CARS2: variants seen among roughly 807,000 people sequenced by gnomAD.
The protein encoded by CARS2 is cysteinyl-tRNA synthetase 2, mitochondrial.
CARS2 carries 52 observed loss-of-function variants against 68.8 expected under a neutral mutation model. The observed-to-expected ratio is 0.76, with a 90% CI of 0.61 to 0.95. The LOEUF is 0.95. CARS2 is among the 40% of genes least tolerant of loss of function. CARS2 has a pLI of 0.00. For missense variants in CARS2, 780 were observed against 754.2 expected, an observed-to-expected ratio of 1.03 and a Z score of -0.40; for synonymous variants, 314 against 303.6, an observed-to-expected ratio of 1.03 and a Z score of -0.36.
In CARS2 at chr13:110,677,225, C is replaced by T. The variant is rs1441124278; in HGVS notation, c.656-122G>A. 1.6e-5 allele frequency: 15 copies of T among 942,310 alleles called. No individual in the cohort carries two copies. In the Admixed American group the frequency reaches 5.1e-4, roughly 32 times the overall value. 58.4% of individuals were successfully genotyped at this position (942,310 alleles called of 1,614,324 possible). A position where few individuals can be genotyped will look rare whatever the true frequency, so the allele number is the denominator to read the frequency against. On this transcript the variant is annotated intron_variant, in intron 6 of 14. Transcript: ENST00000257347. Reference sequence around the variant, plus strand: ...CCCCCACCATGGAAACACAGAAAATCACCCCAACATGGAAACCCAGACAGT... The same window carrying T: ...CCCCCACCATGGAAACACAGAAAATTACCCCAACATGGAAACCCAGACAGT...
Position 110,665,861 on chromosome 13 carries a change from A to G in CARS2, c.919+1479T>C, listed in dbSNP as rs1395428498. On this transcript the variant is annotated intron_variant, in intron 8 of 14. Coordinates refer to ENST00000257347, the MANE Select transcript of CARS2 (RefSeq NM_024537.4). This position sits in a 1 kb window ranked among gnomAD's most constrained non-coding sequence, Gnocchi z 4.3. Reference sequence around the variant, plus strand: ...CTGCATTTAATGTCACCTTACTGTGACATCTTAATTTCCCAATTCAAGGGT... The same window carrying G: ...CTGCATTTAATGTCACCTTACTGTGGCATCTTAATTTCCCAATTCAAGGGT... 1.2e-5 allele frequency: 12 copies of G among 985,306 alleles called. No individual in the cohort carries two copies. In the South Asian group the frequency reaches 3.3e-4, roughly 27 times the overall value. The allele number at this position is 985,306 out of a possible 1,614,324, so 61.0% of individuals were successfully genotyped here.
intron 3 of CARS2, chr13:110,697,958 T>C (rs2063671984): frequency 2.2e-6 from 1 of 455,842 alleles, no homozygotes; most frequent in African/African-American, 2.0e-5. Context: ...ACCATTCCTT[T>C]GACTCATGCC....
Position 110,665,717 on chromosome 13 carries a change from T to C in CARS2, c.919+1623A>G. On this transcript the variant is annotated intron_variant, in intron 8 of 14. Coordinates refer to ENST00000257347, the MANE Select transcript of CARS2 (RefSeq NM_024537.4). This position sits in a 1 kb window ranked among gnomAD's most constrained non-coding sequence, Gnocchi z 4.3. The stretch of plus-strand genomic sequence containing the variant: ...GCTCCTCAGACAGTTCAGGGAGCGC[T>C]GAACTGAGCCCTGAACGAAGTCAAC... 1 of 985,406 alleles carries C rather than the reference T, an allele frequency of 1.0e-6. No individual in the cohort carries two copies. Among genetic ancestry groups the C allele is most frequent in the Non-Finnish European group, 1.2e-6 (1 of 829,936 alleles). 61.0% of individuals were successfully genotyped at this position (985,406 alleles called of 1,614,324 possible). A position where few individuals can be genotyped will look rare whatever the true frequency, so the allele number is the denominator to read the frequency against.
chr13:110,651,790 G>A (rs1055906920), intron 9 of CARS2, among the ~76,000 whole-genome samples: 1 of 152,242 alleles, frequency 6.6e-6, no homozygotes, highest in Admixed American at 6.5e-5. Context: ...GAGGTCATTA[G>A]AGGCACTGCA....
intron 13 of CARS2, 124 bp downstream of exon 13, chr13:110,644,261 T>C: frequency 7.3e-7 from 1 of 1,366,242 alleles, no homozygotes; most frequent in Non-Finnish European, 1.0e-6. Context: ...AAGTAACATG[T>C]TTTTAAACAG....
At chr13:110,657,103 TTG>T (rs1220106466) in intron 9 of CARS2, among the ~76,000 whole-genome samples, 1 of 151,204 alleles carries the variant, frequency 6.6e-6, no homozygotes, top group Non-Finnish European at 1.5e-5. Flanking sequence ...TAAATTTATT[TTG>T]TGTGTATTTT....
At chr13:110,682,385 G>A (rs948274304) in intron 6 of CARS2, among the ~76,000 whole-genome samples, 2 of 152,158 alleles carry the variant, frequency 1.3e-5, no homozygotes, top group Non-Finnish European at 1.5e-5. Flanking sequence ...GCACCACGGC[G>A]GGGGAAGGAA....
chr13:110,650,313 G>A (rs1453966211), intron 10 of CARS2: 1 of 152,080 alleles, frequency 6.6e-6, no homozygotes, highest in East Asian at 1.9e-4. Context: ...GGCCAAACTG[G>A]TCTCGAACTC....
chr13:110,658,094 T>G (rs79248982), intron 9 of CARS2, among the ~76,000 whole-genome samples: 3,221 of 152,106 alleles, frequency 0.021, 103 homozygotes, highest in African/African-American at 0.06. Flanking sequence ...AGTGGCTCAA[T>G]CTCTTCAAAA....
chr13:110,662,314 C>CA (rs1337383623), intron 9 of CARS2, among the ~76,000 whole-genome samples: 2 of 122,108 alleles, frequency 1.6e-5, no homozygotes, highest in African/African-American at 6.9e-5. Context: ...ACCCCATGGC[C>CA]GGCTTCGGAC....
chr13:110,652,175 C>A (rs1685126476), intron 9 of CARS2, among the ~76,000 whole-genome samples: 1 of 152,260 alleles, frequency 6.6e-6, no homozygotes, highest in Non-Finnish European at 1.5e-5. Context: ...AAACCCGATA[C>A]CCTCTTCTCT....
At chr13:110,681,805 T>G (rs776793007) in intron 6 of CARS2, among the ~76,000 whole-genome samples, 6 of 152,142 alleles carry the variant, frequency 3.9e-5, no homozygotes, top group Non-Finnish European at 7.3e-5. Flanking sequence ...TATTCCTAAG[T>G]GAGAGAAGCC....
At chr13:110,679,824 G>C (rs1259012224) in intron 6 of CARS2, among the ~76,000 whole-genome samples, 1 of 152,172 alleles carries the variant, frequency 6.6e-6, no homozygotes, top group Non-Finnish European at 1.5e-5. Context: ...CTGAGTGTAA[G>C]GGACTCGGGA....
chr13:110,712,819 G>A (rs1220848041), intron 1 of CARS2: 1 of 856,036 alleles, frequency 1.2e-6, no homozygotes, highest in East Asian at 2.6e-5. Context: ...ACCTCTTCTG[G>A]GGCTCGGCAC....
chr13:110,679,949 G>C (rs940116878), intron 6 of CARS2, among the ~76,000 whole-genome samples: 2 of 152,180 alleles, frequency 1.3e-5, no homozygotes, highest in African/African-American at 4.8e-5. Context: ...GGAAGAACAT[G>C]AACTGGTCAC....
chr13:110,710,306 C>G (rs553466425), upstream of CARS2, among the ~76,000 whole-genome samples: 3 of 152,020 alleles, frequency 2.0e-5, no homozygotes, highest in African/African-American at 7.2e-5. Flanking sequence ...CGCTTGAACC[C>G]GGGAGGCGGA....
intron 9 of CARS2, among the ~76,000 whole-genome samples, chr13:110,661,018 C>T (rs2062489851): frequency 6.6e-6 from 1 of 152,138 alleles, no homozygotes; most frequent in Non-Finnish European, 1.5e-5. Flanking sequence ...CCTGGGCCTC[C>T]CAAAGTGCTG....
intron 6 of CARS2, among the ~76,000 whole-genome samples, chr13:110,680,160 G>T (rs1024732697): frequency 7.1e-5 from 6 of 84,996 alleles, no homozygotes; most frequent in African/African-American, 1.4e-4. Context: ...GGGGGGGGGG[G>T]GGGGGTGGAT....
At chr13:110,683,790 G>A (rs1056551943) in intron 5 of CARS2, among the ~76,000 whole-genome samples, 1 of 152,216 alleles carries the variant, frequency 6.6e-6, no homozygotes, top group Non-Finnish European at 1.5e-5. Context: ...TCCGAGGCAG[G>A]AGGATTGTTT....
Sources: gnomAD v4.1 joint callset for allele counts (sites outside exome capture counted in the v4.1 genomes callset) on GRCh38, gnomAD v4.1.1 for gene constraint, Gnocchi (gnomAD v3.1) non-coding constraint, MANE v1.5 for transcripts, NCBI Gene and HGNC (gene_info 2026-07-23, HGNC 2026-07-21) for gene names.